The following KCTD1 variants were observed in gnomAD, a reference collection of about 807,000 sequenced individuals.
KCTD1 encodes BTB/POZ domain-containing protein KCTD1.
KCTD1 carries 24 observed loss-of-function variants against 66.0 expected under a neutral mutation model. The observed-to-expected ratio is 0.36, with a 90% CI of 0.26 to 0.51. KCTD1 has a LOEUF of 0.51. Ranked by LOEUF, KCTD1 falls within the 20% of genes least tolerant of loss-of-function variation. KCTD1 has a pLI of 0.95. For synonymous variants in KCTD1, 511 were observed against 517.2 expected (o/e 0.99, Z 0.16); for missense variants, 943 against 1,205.2 (o/e 0.78, Z 3.22).
intron 3 of KCTD1, among the ~76,000 whole-genome samples, chr18:26,460,583 T>TA (rs562937243): frequency 1.3e-3 from 194 of 152,304 alleles, no homozygotes; most frequent in South Asian, 1.2e-3. Context: ...AAGGCTAGTG[T>TA]ACTGCCCTGT....
At chr18:26,533,739 A>ATC (rs1342879996) in intron 1 of KCTD1, among the ~76,000 whole-genome samples, 1 of 151,032 alleles carries the variant, frequency 6.6e-6, no homozygotes, top group Non-Finnish European at 1.5e-5. Flanking sequence ...AGATCAAGTG[A>ATC]TCTGCCTGCC....
chr18:26,494,862 C>T (rs1021048033), intron 2 of KCTD1, among the ~76,000 whole-genome samples: 3 of 151,940 alleles, frequency 2.0e-5, no homozygotes, highest in Non-Finnish European at 4.4e-5. Context: ...TCATTTTATG[C>T]GTTTCCTTAA....
At chr18:26,456,493 T>A (rs774815781) in intron 4 of KCTD1, 1 of 152,236 alleles carries the variant, frequency 6.6e-6, no homozygotes, top group Non-Finnish European at 1.5e-5. Context: ...AAGGGATTAC[T>A]GAAGACACTA....
intron 1 of KCTD1, among the ~76,000 whole-genome samples, chr18:26,542,190 G>C (rs958560143): frequency 6.6e-6 from 1 of 152,178 alleles, no homozygotes; most frequent in Non-Finnish European, 1.5e-5. Flanking sequence ...TTAAAGAAGT[G>C]TGCCTGTGCA....
intron 2 of KCTD1, among the ~76,000 whole-genome samples, chr18:26,489,953 C>T (rs1982108177): frequency 6.6e-6 from 1 of 152,144 alleles, no homozygotes; most frequent in Non-Finnish European, 1.5e-5. Flanking sequence ...TATAAAAGTT[C>T]TTTCTGGTAT....
intron 1 of KCTD1, among the ~76,000 whole-genome samples, chr18:26,530,914 A>T (rs192028463): frequency 7.2e-5 from 11 of 152,348 alleles, no homozygotes; most frequent in Admixed American, 5.2e-4. Flanking sequence ...CAAGGCAAAG[A>T]GGGCAAAGAT....
At chr18:26,527,893 A>G (rs1984249028) in intron 1 of KCTD1, among the ~76,000 whole-genome samples, 1 of 152,194 alleles carries the variant, frequency 6.6e-6, no homozygotes, top group Non-Finnish European at 1.5e-5. Flanking sequence ...TTTTCCAGAA[A>G]AAGCCAGCAA....
At chr18:26,550,057 T>C (rs1206175378), upstream of KCTD1, among the ~76,000 whole-genome samples, 2 of 151,712 alleles carry the variant, frequency 1.3e-5, no homozygotes, top group South Asian at 2.1e-4. This position sits in a 1 kb window ranked among gnomAD's most constrained non-coding sequence, Gnocchi z 5.4. Context: ...CCGCAGCCCG[T>C]GTGTACCCTG....
chr18:26,550,565 G>GACACACAGACACAC (rs372123383), upstream of KCTD1, among the ~76,000 whole-genome samples: 197 of 140,572 alleles, frequency 1.4e-3, 1 homozygote, highest in African/African-American at 4.8e-3. The surrounding 1 kb of genome is among the most constrained non-coding windows in gnomAD (Gnocchi z 5.4). Context: ...AAGACACACA[G>GACACACAGACACAC]ACACACACAC....
chr18:26,518,843 T>A (rs1983784980), intron 1 of KCTD1, among the ~76,000 whole-genome samples: 1 of 152,186 alleles, frequency 6.6e-6, no homozygotes. Flanking sequence ...GCACCAGCCA[T>A]CCTTATCTCC....
At chr18:26,498,859 A>G (rs1242427959) in intron 2 of KCTD1, among the ~76,000 whole-genome samples, 1 of 152,206 alleles carries the variant, frequency 6.6e-6, no homozygotes, top group African/African-American at 2.4e-5. Context: ...TGAAGTCTTT[A>G]CCTCATAATA....
intron 1 of KCTD1, among the ~76,000 whole-genome samples, chr18:26,507,121 G>A (rs982690223): frequency 8.5e-5 from 13 of 152,110 alleles, no homozygotes; most frequent in Non-Finnish European, 1.3e-4. Flanking sequence ...AGCCAAGATC[G>A]CGCCACTGTA....
In KCTD1 at chr18:26,548,258, TTCCTCCTCCTCCTCG is replaced by T; in HGVS notation, c.264_278del (p.Asp88_Glu92del). The T allele has an allele frequency of 1.3e-6, 2 of 1,508,258 alleles. No individual in the cohort carries two copies. The highest frequency in any genetic ancestry group is 1.8e-6 in the Non-Finnish European group (2 of 1,131,396). The allele number at this position is 1,508,258 out of a possible 1,614,324, so 93.4% of individuals were successfully genotyped here. A position where few individuals can be genotyped will look rare whatever the true frequency, so the allele number is the denominator to read the frequency against. On this transcript the variant is annotated inframe_deletion, in exon 1 of 5. Transcript: ENST00000580059. ...CCCAGTCCAGCCCCATCTCCTCCTC[TTCCTCCTCCTCCTCG>T]TCCTCCTCCAGCCCCCCACCTCCGT...
intron 1 of KCTD1, among the ~76,000 whole-genome samples, chr18:26,638,300 C>A (rs144595649): frequency 5.0e-4 from 76 of 152,218 alleles, no homozygotes; most frequent in African/African-American, 1.6e-3. Flanking sequence ...TCTTTTCCTC[C>A]TTTAATATTT....
chr18:26,470,819 A>G (rs1036736613), intron 3 of KCTD1, among the ~76,000 whole-genome samples: 3 of 152,170 alleles, frequency 2.0e-5, no homozygotes, highest in Non-Finnish European at 4.4e-5. Context: ...GGTGAAAAAG[A>G]TGACTCCTGA....
At chr18:26,475,040 G>A (rs1415511994) in intron 3 of KCTD1, among the ~76,000 whole-genome samples, 1 of 151,636 alleles carries the variant, frequency 6.6e-6, no homozygotes, top group Non-Finnish European at 1.5e-5. Flanking sequence ...CACCTTTATG[G>A]TACATCAAAT....
chr18:26,539,414 G>A (rs933254587), intron 1 of KCTD1, among the ~76,000 whole-genome samples: 16 of 152,170 alleles, frequency 1.1e-4, no homozygotes, highest in East Asian at 3.8e-4. Context: ...ACAGAGTGGC[G>A]GGATTTTTGC....
At chr18:26,621,372 C>G (rs1695226591) in intron 1 of KCTD1, among the ~76,000 whole-genome samples, 1 of 152,098 alleles carries the variant, frequency 6.6e-6, no homozygotes, top group Non-Finnish European at 1.5e-5. Flanking sequence ...ACGTTTCCTG[C>G]TATACGGGAA....
chr18:26,647,332 C>CCG (rs760083029), intron 1 of KCTD1, among the ~76,000 whole-genome samples: 8 of 3,334 alleles, frequency 2.4e-3, no homozygotes, highest in Non-Finnish European at 0.014. Context: ...GATAGTGAAA[C>CCG]CCCCCCCCCA....
Sources: allele counts gnomAD v4.1 joint callset (sites outside exome capture counted in the v4.1 genomes callset), GRCh38; gene constraint gnomAD v4.1.1; non-coding constraint Gnocchi (gnomAD v3.1); transcripts MANE v1.5; gene names NCBI Gene and HGNC (gene_info 2026-07-23, HGNC 2026-07-21).